SUMF1: variants seen among roughly 807,000 people sequenced by gnomAD.
SUMF1 encodes the protein formylglycine-generating enzyme.
Under a neutral mutation model 47.6 loss-of-function variants are expected in SUMF1, and 48 were observed. That is an observed-to-expected ratio of 1.01 (90% CI 0.80 to 1.28). The LOEUF is 1.28. Ranked by LOEUF, SUMF1 falls within the 50% of genes most tolerant of loss-of-function variation. The probability of loss-of-function intolerance (pLI) is 0.00; values close to 1 mark genes in which losing one functional copy is unlikely to be tolerated. For synonymous variants in SUMF1, 230 were observed against 192.1 expected, an observed-to-expected ratio of 1.20 and a Z score of -1.63; for missense variants, 571 against 485.4, an observed-to-expected ratio of 1.18 and a Z score of -1.66.
intron 8 of SUMF1, among the ~76,000 whole-genome samples, chr3:4,275,800 C>T (rs1006255228): frequency 2.0e-5 from 3 of 152,100 alleles, no homozygotes; most frequent in African/African-American, 4.8e-5. Flanking sequence ...TTGCTGAAGT[C>T]AGTAAATGTC....
In SUMF1 at chr3:4,366,336, G is replaced by GTAA. The variant is rs1559248540; in HGVS notation, c.1015-4083_1015-4082insTTA. Among the ~76,000 whole-genome samples, 21 of 152,190 alleles carry GTAA rather than the reference G, an allele frequency of 1.4e-4. No individual in the cohort carries two copies. The East Asian group carries it at 2.9e-3, about 21-fold the overall frequency. ...TTTCCAACTTGGTTCCATTCTCCCC[G>GTAA]TCACTTTCAGGTACACCCATCAGAC... On this transcript the variant is annotated intron_variant, in intron 8 of 8. Coordinates refer to ENST00000272902, the MANE Select transcript of SUMF1 (RefSeq NM_182760.4).
chr3:4,150,801 C>T (rs1162734148), intron 8 of SUMF1, among the ~76,000 whole-genome samples: 1 of 151,386 alleles, frequency 6.6e-6, no homozygotes, highest in Non-Finnish European at 1.5e-5. Flanking sequence ...TATATTGCTG[C>T]CCCAGACAAA....
intron 8 of SUMF1, among the ~76,000 whole-genome samples, chr3:4,184,371 G>A (rs950113070): frequency 1.5e-4 from 23 of 151,786 alleles, no homozygotes; most frequent in East Asian, 1.2e-3. Flanking sequence ...TATGAGAATC[G>A]CTTGAACCCA....
downstream of SUMF1, among the ~76,000 whole-genome samples, chr3:4,360,487 G>A (rs115563640): frequency 4.9e-3 from 742 of 152,008 alleles, 8 homozygotes; most frequent in African/African-American, 0.017. Flanking sequence ...CACCACTCCT[G>A]GCTAAATTTT....
At chr3:4,397,359 T>C (rs1701072031) in intron 7 of SUMF1, among the ~76,000 whole-genome samples, 1 of 152,236 alleles carries the variant, frequency 6.6e-6, no homozygotes, top group East Asian at 1.9e-4. Context: ...TTAGAATAAC[T>C]GTATAAAACT....
chr3:4,362,191 T>A lies in SUMF1; in HGVS notation c.1078A>T (p.Asn360Tyr). ...SQNTPDSSAS[N>Y]LGFRCAADRL... is the part of the protein sequence containing the mutation. ...TCGGCTGCACAGCGGAATCCCAGAT[T>A]CGAAGCAGAGCTATCAGGTGTGTTC... Residue 360 changes from asparagine (N) to tyrosine (Y), a missense_variant, in exon 9 of 9, where the codon AAT (asparagine) becomes TAT (tyrosine). Asn to Tyr is a moderately radical substitution (Grantham distance 143). Transcript: ENST00000272902. 6.2e-7 allele frequency: 1 copy of A among 1,614,182 alleles called. No individual in the cohort carries two copies. Among genetic ancestry groups the A allele is most frequent in the Non-Finnish European group, 8.5e-7 (1 of 1,180,022 alleles).
chr3:4,202,580 G>A (rs1008956401), intron 8 of SUMF1, among the ~76,000 whole-genome samples: 8 of 151,798 alleles, frequency 5.3e-5, no homozygotes, highest in South Asian at 2.1e-4. Flanking sequence ...AATGGCTTTG[G>A]CTATTTTGGG....
At chr3:4,384,443 A>C (rs1206961889) in intron 7 of SUMF1, among the ~76,000 whole-genome samples, 1 of 152,216 alleles carries the variant, frequency 6.6e-6, no homozygotes, top group Non-Finnish European at 1.5e-5. Flanking sequence ...AGGATCCCTT[A>C]CGTTGCCCTT....
At chr3:4,313,131 C>G in intron 8 of SUMF1, 1 of 1,613,960 alleles carries the variant, frequency 6.2e-7, no homozygotes, top group African/African-American at 1.3e-5. Context: ...ACTGCAGAAA[C>G]AGAGTGGTCC....
intron 9 of SUMF1, among the ~76,000 whole-genome samples, chr3:4,041,422 C>T (rs773274877): frequency 3.3e-5 from 5 of 152,156 alleles, no homozygotes; most frequent in East Asian, 1.9e-4. Context: ...ATTTCCCTTT[C>T]ACGTTCACCT....
At chr3:4,330,853 CTCAA>C (rs1341241887) in intron 8 of SUMF1, among the ~76,000 whole-genome samples, 2 of 152,200 alleles carry the variant, frequency 1.3e-5, no homozygotes, top group Admixed American at 6.5e-5. Context: ...CCATCTCAAT[CTCAA>C]TCAGTTTGAT....
chr3:4,436,590 A>G (rs991687574), intron 3 of SUMF1, among the ~76,000 whole-genome samples: 4 of 141,698 alleles, frequency 2.8e-5, no homozygotes, highest in Non-Finnish European at 4.7e-5. Context: ...AGTAGAGCAG[A>G]GTTGTTAATT....
chr3:4,169,334 G>A (rs1694779753), intron 8 of SUMF1, among the ~76,000 whole-genome samples: 1 of 152,110 alleles, frequency 6.6e-6, no homozygotes, highest in South Asian at 2.1e-4. Context: ...TTAAGATGAG[G>A]TCATTAGAGT....
At chr3:4,136,826 C>G (rs1201603656) in intron 8 of SUMF1, among the ~76,000 whole-genome samples, 2 of 152,004 alleles carry the variant, frequency 1.3e-5, no homozygotes, top group Non-Finnish European at 2.9e-5. Flanking sequence ...TGAACAGACA[C>G]TTCTCCAAAG....
intron 8 of SUMF1, among the ~76,000 whole-genome samples, chr3:4,134,649 C>T (rs1384852061): frequency 6.6e-6 from 1 of 151,932 alleles, no homozygotes; most frequent in Non-Finnish European, 1.5e-5. Flanking sequence ...AATAGAGACA[C>T]AAAAAACCCT....
At chr3:4,399,057 T>G (rs1450292173) in intron 7 of SUMF1, among the ~76,000 whole-genome samples, 1 of 152,130 alleles carries the variant, frequency 6.6e-6, no homozygotes, top group Admixed American at 6.6e-5. Flanking sequence ...ATCTTCTTTT[T>G]TGCATAATCA....
intron 8 of SUMF1, among the ~76,000 whole-genome samples, chr3:4,160,875 T>C (rs539935246): frequency 7.9e-5 from 12 of 152,262 alleles, no homozygotes; most frequent in Non-Finnish European, 1.3e-4. Flanking sequence ...ATGGCCTTGA[T>C]GCTTGTGGAT....
intron 8 of SUMF1, among the ~76,000 whole-genome samples, chr3:4,184,146 A>T (rs563262986): frequency 1.8e-5 from 2 of 108,352 alleles, no homozygotes; most frequent in African/African-American, 3.5e-5. Flanking sequence ...AAAAAAAATT[A>T]AAAAAAAAAA....
chr3:4,202,242 A>C (rs1274438874), intron 8 of SUMF1, among the ~76,000 whole-genome samples: 1 of 152,052 alleles, frequency 6.6e-6, no homozygotes, highest in Non-Finnish European at 1.5e-5. Flanking sequence ...TTGAAGTCTT[A>C]GACTTAAATC....
Sources: allele counts gnomAD v4.1 joint callset (sites outside exome capture counted in the v4.1 genomes callset), GRCh38; gene constraint gnomAD v4.1.1; transcripts MANE v1.5; gene names NCBI Gene and HGNC (gene_info 2026-07-23, HGNC 2026-07-21).